The following NUP153 variants were observed in gnomAD, a reference collection of about 807,000 sequenced individuals.
NUP153 encodes the protein nuclear pore complex protein Nup153.
In NUP153, 27 loss-of-function variants were observed where a neutral mutation model predicts 134.6. The ratio of observed to expected loss-of-function variants is 0.20; its 90% confidence interval spans 0.15 to 0.28. The LOEUF (loss-of-function observed/expected upper bound fraction) is 0.28. Ranked by LOEUF, NUP153 falls within the 10% of genes least tolerant of loss-of-function variation. NUP153 has a pLI of 1.00. For missense variants in NUP153, 1,821 were observed against 1,731.3 expected, an observed-to-expected ratio of 1.05 and a Z score of -0.92; for synonymous variants, 640 against 623.5, an observed-to-expected ratio of 1.03 and a Z score of -0.40.
chr6:17,638,614 T>C lies in NUP153; in HGVS notation c.1847-844A>G, dbSNP rs1049873247. ...ATTGGCAAGATATTAACAGTAACCATCTCAAGGCATTACAGATTTCTTTTT... is the reference window on the plus strand; with the variant it reads ...ATTGGCAAGATATTAACAGTAACCACCTCAAGGCATTACAGATTTCTTTTT... On this transcript the variant is annotated intron_variant, in intron 15 of 21. Transcript: ENST00000262077. This position sits in a 1 kb window ranked among gnomAD's most constrained non-coding sequence, Gnocchi z 4.0. Among the ~76,000 whole-genome samples, 1 of 152,236 alleles carries C rather than the reference T, an allele frequency of 6.6e-6. No individual in the cohort carries two copies. Among genetic ancestry groups the C allele is most frequent in the African/African-American group, 2.4e-5 (1 of 41,462 alleles).
chr6:17,624,062 A>G (rs1319196030), intron 20 of NUP153, among the ~76,000 whole-genome samples: 1 of 152,212 alleles, frequency 6.6e-6, no homozygotes. Flanking sequence ...ATCAACAACA[A>G]TTTTAAGAAA....
chr6:17,676,684 A>G (rs773715899), intron 2 of NUP153, among the ~76,000 whole-genome samples: 12 of 152,164 alleles, frequency 7.9e-5, no homozygotes, highest in Admixed American at 3.9e-4. Context: ...ACAGTGGAAA[A>G]CAGCACAAAA....
intron 1 of NUP153, among the ~76,000 whole-genome samples, chr6:17,691,883 C>T (rs1769299249): frequency 6.6e-6 from 1 of 152,184 alleles, no homozygotes; most frequent in African/African-American, 2.4e-5. Flanking sequence ...GTGATCATGG[C>T]CCACTGCAGC....
In NUP153 at chr6:17,654,477, A is replaced by G. The variant is rs544212308; in HGVS notation, c.1396-5177T>C. Among the ~76,000 whole-genome samples the G allele has an allele frequency of 8.5e-5, 13 of 152,124 alleles. No homozygotes were observed. In the East Asian group the frequency reaches 2.5e-3, roughly 29 times the overall value. ...TCTGGGACTACAGGCACCTGCCACT[A>G]CGCCCAGCTAATTTTTGTATTTTTA... On this transcript the variant is annotated intron_variant, in intron 11 of 21. Transcript: ENST00000262077.
intron 16 of NUP153, among the ~76,000 whole-genome samples, chr6:17,633,820 T>C (rs1765382878): frequency 6.6e-6 from 1 of 152,188 alleles, no homozygotes; most frequent in African/African-American, 2.4e-5. Flanking sequence ...CTACATTTTA[T>C]AGGTATGTTC....
At chr6:17,647,771 T>A (rs1271373897) in intron 13 of NUP153, 36 bp downstream of exon 13, 4 of 1,229,012 alleles carry the variant, frequency 3.3e-6, no homozygotes, top group Non-Finnish European at 4.8e-6. Flanking sequence ...GGCTTTGAAA[T>A]CAGTAAATAT....
intron 14 of NUP153, among the ~76,000 whole-genome samples, chr6:17,641,851 G>GAA (rs200309216): frequency 4.0e-5 from 6 of 150,308 alleles, no homozygotes; most frequent in Admixed American, 1.3e-4. Flanking sequence ...GACTGTCTCA[G>GAA]AAAAAAAGAA....
chr6:17,615,868 A>T lies in NUP153; in HGVS notation c.*229T>A, dbSNP rs1764284681. The T allele has an allele frequency of 2.1e-6, 1 of 472,066 alleles. No homozygotes were observed. The allele number at this position is 472,066 out of a possible 1,614,324, so 29.2% of individuals were successfully genotyped here. A position where few individuals can be genotyped will look rare whatever the true frequency, so the allele number is the denominator to read the frequency against. ...CAGTGAATAATCTGCTGGATCATAAAATATTTTTGCTGAAGAATCAGTCAC... is the reference window on the plus strand; with the variant it reads ...CAGTGAATAATCTGCTGGATCATAATATATTTTTGCTGAAGAATCAGTCAC... On this transcript the variant is annotated 3_prime_UTR_variant, in exon 22 of 22. Transcript: ENST00000262077. The surrounding 1 kb of genome is among the most constrained non-coding windows in gnomAD (Gnocchi z 5.7).
intron 8 of NUP153, among the ~76,000 whole-genome samples, chr6:17,668,562 G>A (rs562659504): frequency 1.3e-5 from 2 of 152,060 alleles, no homozygotes; most frequent in South Asian, 2.1e-4. Flanking sequence ...TATTTTTCAG[G>A]GTCAGGCACA....
chr6:17,688,314 G>A, intron 2 of NUP153, 82 bp downstream of exon 2: 2 of 1,009,590 alleles, frequency 2.0e-6, no homozygotes, highest in South Asian at 1.4e-5. Flanking sequence ...CGCCTGATTA[G>A]ATTTACCATA....
At chr6:17,654,357 T>G (rs1027890867) in intron 11 of NUP153, among the ~76,000 whole-genome samples, 1 of 152,020 alleles carries the variant, frequency 6.6e-6, no homozygotes, top group Non-Finnish European at 1.5e-5. Context: ...GTTTCGATCT[T>G]GTTGCCCGGG....
At chr6:17,626,232 C>T in intron 18 of NUP153, 68 bp from the exon 19 acceptor site, 1 of 1,209,010 alleles carries the variant, frequency 8.3e-7, no homozygotes, top group Non-Finnish European at 1.2e-6. Context: ...CTTTTTCCTA[C>T]CCTACAATTG....
At chr6:17,624,412 A>T in intron 20 of NUP153, 149 bp downstream of exon 20, 1 of 690,566 alleles carries the variant, frequency 1.4e-6, no homozygotes, top group Non-Finnish European at 2.4e-6. Context: ...TGTTGTTTAT[A>T]TATAAATCCA....
chr6:17,637,090 G>A lies in NUP153; in HGVS notation c.2464+63C>T, dbSNP rs942708986. Reference sequence around the variant, plus strand: ...GAAACATCTAAAACAAGGATTCTTAGAATAAATTAAACTGTTCAACAGAAG... The same window carrying A: ...GAAACATCTAAAACAAGGATTCTTAAAATAAATTAAACTGTTCAACAGAAG... On this transcript the variant is annotated intron_variant, in intron 16 of 21. Transcript: ENST00000262077. 32 of 1,435,332 alleles carry A rather than the reference G, an allele frequency of 2.2e-5. No homozygotes were observed. The African/African-American group carries it at 4.1e-4, about 19-fold the overall frequency. The allele number at this position is 1,435,332 out of a possible 1,614,324, so 88.9% of individuals were successfully genotyped here.
intron 1 of NUP153, among the ~76,000 whole-genome samples, chr6:17,705,983 C>T (rs1423999574): frequency 6.6e-6 from 1 of 152,160 alleles, no homozygotes; most frequent in Non-Finnish European, 1.5e-5. Context: ...AAGAAACGCG[C>T]GCATCATGGG....
intron 2 of NUP153, among the ~76,000 whole-genome samples, chr6:17,684,896 T>C (rs1768816940): frequency 6.6e-6 from 1 of 152,190 alleles, no homozygotes; most frequent in Non-Finnish European, 1.5e-5. Flanking sequence ...ACTGATTAAG[T>C]TCATCATCTT....
chr6:17,623,356 C>A (rs1288496788), intron 20 of NUP153, among the ~76,000 whole-genome samples: 1 of 35,398 alleles, frequency 2.8e-5, no homozygotes, highest in South Asian at 9.8e-4. Flanking sequence ...TGAAAAATGG[C>A]CAAAAAAAAA....
chr6:17,664,178 AC>A (rs1279197833), intron 9 of NUP153, among the ~76,000 whole-genome samples: 1 of 152,216 alleles, frequency 6.6e-6, no homozygotes, highest in Non-Finnish European at 1.5e-5. Flanking sequence ...CCTTGAAAAC[AC>A]TATGCTAAGT....
intron 16 of NUP153, among the ~76,000 whole-genome samples, 189 bp downstream of exon 16, chr6:17,636,964 C>T (rs1341645341): frequency 1.3e-5 from 2 of 152,190 alleles, no homozygotes; most frequent in East Asian, 3.8e-4. Flanking sequence ...CTAGTTAACA[C>T]ATAACCTATC....
Sources: allele counts gnomAD v4.1 joint callset (sites outside exome capture counted in the v4.1 genomes callset), GRCh38; gene constraint gnomAD v4.1.1; non-coding constraint Gnocchi (gnomAD v3.1); transcripts MANE v1.5; gene names NCBI Gene and HGNC (gene_info 2026-07-23, HGNC 2026-07-21).